SLCO3A1: variants seen among roughly 807,000 people sequenced by gnomAD.
SLCO3A1 encodes the protein solute carrier organic anion transporter family member 3A1.
Under a neutral mutation model 63.1 loss-of-function variants are expected in SLCO3A1, and 27 were observed. The ratio of observed to expected loss-of-function variants is 0.43; its 90% CI spans 0.32 to 0.59. The LOEUF (loss-of-function observed/expected upper bound fraction) is 0.59, where lower values mean the gene tolerates loss of function less well. SLCO3A1 is among the 20% of genes least tolerant of loss of function. SLCO3A1 has a pLI of 0.09. For missense variants in SLCO3A1, 773 were observed against 945.8 expected (o/e 0.82, Z 2.40); for synonymous variants, 473 against 409.9 (o/e 1.15, Z -1.86).
At chr15:92,088,025 A>C (rs565658628) in intron 2 of SLCO3A1, among the ~76,000 whole-genome samples, 2 of 152,250 alleles carry the variant, frequency 1.3e-5, no homozygotes, top group East Asian at 3.9e-4. Context: ...GCACAGACAG[A>C]GACATCTGCA....
At chr15:92,079,500 A>C (rs1465757029) in intron 2 of SLCO3A1, among the ~76,000 whole-genome samples, 3 of 152,168 alleles carry the variant, frequency 2.0e-5, no homozygotes, top group Non-Finnish European at 4.4e-5. Context: ...TGTCCTCTGT[A>C]CCTGAGCTTC....
intron 2 of SLCO3A1, among the ~76,000 whole-genome samples, chr15:92,059,585 G>A (rs1425744492): frequency 2.0e-5 from 3 of 152,126 alleles, no homozygotes; most frequent in Admixed American, 2.0e-4. Flanking sequence ...CTGTGCCCCC[G>A]ACCAGATGGC....
intron 3 of SLCO3A1, among the ~76,000 whole-genome samples, chr15:92,095,953 G>A (rs1463996578): frequency 2.0e-5 from 3 of 152,206 alleles, no homozygotes; most frequent in Non-Finnish European, 4.4e-5. Flanking sequence ...GTCACGTGGT[G>A]TATTGGTTTC....
intron 2 of SLCO3A1, among the ~76,000 whole-genome samples, chr15:92,094,309 G>A (rs1052751052): frequency 6.6e-6 from 1 of 152,176 alleles, no homozygotes; most frequent in Non-Finnish European, 1.5e-5. Flanking sequence ...AGAAATTGAA[G>A]AATTGAAATT....
chr15:92,112,751 G>A (rs2066331167), intron 4 of SLCO3A1, among the ~76,000 whole-genome samples: 1 of 152,188 alleles, frequency 6.6e-6, no homozygotes, highest in South Asian at 2.1e-4. Context: ...ATTCATAAGT[G>A]ATATCTTAGC....
chr15:92,092,233 A>G (rs2047486575), intron 2 of SLCO3A1, among the ~76,000 whole-genome samples: 1 of 152,128 alleles, frequency 6.6e-6, no homozygotes, highest in African/African-American at 2.4e-5. Context: ...TGTTTTTCCA[A>G]GGATGCTGAA....
chr15:92,042,142 T>C (rs915395849), intron 2 of SLCO3A1, among the ~76,000 whole-genome samples: 1 of 152,294 alleles, frequency 6.6e-6, no homozygotes, highest in Admixed American at 6.5e-5. Context: ...GTTTCAGTAG[T>C]TGATGCTGTT....
intron 2 of SLCO3A1, among the ~76,000 whole-genome samples, chr15:92,020,795 C>T (rs183105212): frequency 1.7e-4 from 26 of 152,344 alleles, no homozygotes; most frequent in African/African-American, 6.0e-4. Flanking sequence ...AGAATTTACC[C>T]AATCCAGAAG....
Position 91,903,583 on chromosome 15 carries a change from C to G in SLCO3A1, c.181-12410C>G, listed in dbSNP as rs145299012. 9.4e-3 allele frequency among the ~76,000 whole-genome samples: 1,432 copies of G among 152,200 alleles called. 12 individuals are homozygous for G. Among genetic ancestry groups the G allele is most frequent in the South Asian group, 0.022 (107 of 4,816 alleles). On this transcript the variant is annotated intron_variant, in intron 1 of 9. Coordinates refer to ENST00000318445, the MANE Select transcript of SLCO3A1 (RefSeq NM_013272.4). Reference sequence around the variant, plus strand: ...CTGTTTCTCACCCACACAGAGCCATCGAGCAAATGAGAGATTGGTGCCTTT... The same window carrying G: ...CTGTTTCTCACCCACACAGAGCCATGGAGCAAATGAGAGATTGGTGCCTTT...
At position 91,862,818 on chromosome 15, in the gene SLCO3A1, A is replaced by C. The variant is rs1393397542; in HGVS notation, c.180+8730A>C. 6.6e-6 allele frequency among the ~76,000 whole-genome samples: 1 copy of C among 152,214 alleles called. No homozygotes were observed. Among genetic ancestry groups the C allele is most frequent in the East Asian group, 1.9e-4 (1 of 5,200 alleles). On this transcript the variant is annotated intron_variant, in intron 1 of 9. Coordinates refer to ENST00000318445, the MANE Select transcript of SLCO3A1 (RefSeq NM_013272.4). The surrounding 1 kb of genome is among the most constrained non-coding windows in gnomAD (Gnocchi z 4.0). ...CACTTGCAAGGTTGATGTAGGGAGA[A>C]GTGTCACAATGATGTTTTTCATTTA...
At chr15:91,949,565 G>A (rs1252827294) in intron 2 of SLCO3A1, among the ~76,000 whole-genome samples, 1 of 152,150 alleles carries the variant, frequency 6.6e-6, no homozygotes, top group African/African-American at 2.4e-5. Context: ...GGGAGGTGGA[G>A]TTTGCAATGA....
At chr15:91,976,188 TG>T (rs965299697) in intron 2 of SLCO3A1, among the ~76,000 whole-genome samples, 3 of 152,138 alleles carry the variant, frequency 2.0e-5, no homozygotes, top group African/African-American at 7.2e-5. Flanking sequence ...CAAACTGTAC[TG>T]GGGAGAAGAT....
chr15:92,151,132 T>C, intron 9 of SLCO3A1, 118 bp downstream of exon 9: 1 of 735,962 alleles, frequency 1.4e-6, no homozygotes. Context: ...GCAGTTTAAT[T>C]ATTAGTAAAT....
At chr15:91,858,616 C>G (rs952398648) in intron 1 of SLCO3A1, among the ~76,000 whole-genome samples, 1 of 152,190 alleles carries the variant, frequency 6.6e-6, no homozygotes, top group Admixed American at 6.5e-5. Context: ...TGAAAAGGAT[C>G]GCCAAGAGGC....
At chr15:92,130,563 C>T (rs2047980082) in intron 7 of SLCO3A1, among the ~76,000 whole-genome samples, 1 of 152,140 alleles carries the variant, frequency 6.6e-6, no homozygotes, top group Non-Finnish European at 1.5e-5. Flanking sequence ...AATGCTTATC[C>T]TGGAAAGGGA....
intron 2 of SLCO3A1, among the ~76,000 whole-genome samples, chr15:92,032,477 T>C (rs2046664203): frequency 6.6e-6 from 1 of 152,040 alleles, no homozygotes; most frequent in Non-Finnish European, 1.5e-5. Context: ...TTCATTACCA[T>C]AGAGTCAGTG....
intron 2 of SLCO3A1, among the ~76,000 whole-genome samples, chr15:91,964,700 A>C (rs1299186259): frequency 6.6e-6 from 1 of 152,130 alleles, no homozygotes; most frequent in Non-Finnish European, 1.5e-5. Context: ...TGTTGGGAAG[A>C]AGCAGAAGCA....
chr15:92,013,287 G>A (rs193263058), intron 2 of SLCO3A1, among the ~76,000 whole-genome samples: 4 of 152,340 alleles, frequency 2.6e-5, no homozygotes, highest in East Asian at 1.9e-4. Context: ...ATCTCATTTC[G>A]TGGATGAATA....
At chr15:92,063,135 T>C (rs564288024) in intron 2 of SLCO3A1, among the ~76,000 whole-genome samples, 1 of 152,354 alleles carries the variant, frequency 6.6e-6, no homozygotes, top group South Asian at 2.1e-4. Context: ...AATTTATCCC[T>C]TTGGGAACCA....
Sources: allele counts gnomAD v4.1 joint callset (sites outside exome capture counted in the v4.1 genomes callset), GRCh38; gene constraint gnomAD v4.1.1; non-coding constraint Gnocchi (gnomAD v3.1); transcripts MANE v1.5; gene names NCBI Gene and HGNC (gene_info 2026-07-23, HGNC 2026-07-21).